Variants in TSPAN9 observed in about 807,000 individuals in gnomAD.
TSPAN9 encodes the protein tetraspanin 9.
A neutral mutation model predicts 31.0 loss-of-function variants in TSPAN9; 16 were observed. The ratio of observed to expected loss-of-function variants is 0.52; its 90% CI spans 0.35 to 0.78. The LOEUF (loss-of-function observed/expected upper bound fraction) is 0.78. Among genes scored for constraint, TSPAN9 ranks in the 30% least tolerant of loss-of-function variants. The pLI, the probability that TSPAN9 is intolerant of heterozygous loss-of-function variation, is 0.01. For missense variants in TSPAN9, 272 were observed against 312.5 expected, an observed-to-expected ratio of 0.87 and a Z score of 0.98; for synonymous variants, 145 against 121.6, an observed-to-expected ratio of 1.19 and a Z score of -1.27.
intron 3 of TSPAN9, among the ~76,000 whole-genome samples, chr12:3,255,899 T>C (rs1232268955): frequency 6.6e-6 from 1 of 152,342 alleles, no homozygotes; most frequent in East Asian, 1.9e-4. Context: ...CACCCCTTTG[T>C]ACCTCTGGTG....
chr12:3,276,018 C>T (rs548644468), intron 3 of TSPAN9, among the ~76,000 whole-genome samples: 1 of 152,342 alleles, frequency 6.6e-6, no homozygotes, highest in African/African-American at 2.4e-5. Context: ...ACCGCTCCTC[C>T]GTAGCCTCCT....
In TSPAN9 at chr12:3,172,507, G is replaced by T. The variant is rs2098352555; in HGVS notation, c.-17-28670G>T. ...TGTCACTCACCGGGGGAACTTAAAC[G>T]CCGCTTGCTGAGTCCCACCCTAGCG... On this transcript the variant is annotated intron_variant, in intron 2 of 8. Transcript: ENST00000011898. The surrounding 1 kb of genome is among the most constrained non-coding windows in gnomAD (Gnocchi z 4.8). The T allele has an allele frequency of 6.6e-6, 1 of 152,200 alleles. No homozygotes were observed. Among genetic ancestry groups the T allele is most frequent in the African/African-American group, 2.4e-5 (1 of 41,452 alleles). 9.4% of individuals were successfully genotyped at this position (152,200 alleles called of 1,614,324 possible).
At chr12:3,269,833 G>T (rs558568317) in intron 3 of TSPAN9, among the ~76,000 whole-genome samples, 1 of 152,238 alleles carries the variant, frequency 6.6e-6, no homozygotes, top group Non-Finnish European at 1.5e-5. Context: ...TGCATCCTCT[G>T]TCTGGGAAGA....
intron 3 of TSPAN9, among the ~76,000 whole-genome samples, chr12:3,263,331 A>G (rs1862484069): frequency 6.6e-6 from 1 of 152,248 alleles, no homozygotes; most frequent in African/African-American, 2.4e-5. Flanking sequence ...TTGGCAGCAC[A>G]TAGTCAGTGA....
rs145354645 is a variant in TSPAN9, at chr12:3,170,975, T to G, written c.-17-30202T>G. On this transcript the variant is annotated intron_variant, in intron 2 of 8. Coordinates refer to ENST00000011898, the MANE Select transcript of TSPAN9 (RefSeq NM_006675.5). The surrounding 1 kb of genome is among the most constrained non-coding windows in gnomAD (Gnocchi z 4.4). ...AAAAGCACACTCGTTGCCTCCCCAC[T>G]CCTGTGTTCCTTTGTAGATCAACCA... Among the ~76,000 whole-genome samples the G allele has an allele frequency of 1.3e-3, 200 of 152,248 alleles. No individual in the cohort carries two copies. Among genetic ancestry groups the G allele is most frequent in the African/African-American group, 4.5e-3 (189 of 41,554 alleles).
At chr12:3,119,524 T>C (rs74919992) in intron 2 of TSPAN9, among the ~76,000 whole-genome samples, 1,560 of 152,188 alleles carry the variant, frequency 0.01, 25 homozygotes, top group African/African-American at 0.035. Flanking sequence ...GATGTTTGTG[T>C]GTGCTTTTTT....
chr12:3,191,539 A>G (rs551111296), intron 2 of TSPAN9, among the ~76,000 whole-genome samples: 2 of 152,328 alleles, frequency 1.3e-5, no homozygotes, highest in African/African-American at 2.4e-5. Context: ...ACTAGAGGCC[A>G]CACAGGTCAT....
At chr12:3,154,855 T>C (rs1306214553) in intron 2 of TSPAN9, among the ~76,000 whole-genome samples, 2 of 152,268 alleles carry the variant, frequency 1.3e-5, no homozygotes, top group East Asian at 1.9e-4. Flanking sequence ...CAGTCATCAC[T>C]ACATGGCATT....
In TSPAN9 at chr12:3,278,403, G is replaced by A; in HGVS notation, c.64-18G>A. 6.2e-7 allele frequency: 1 copy of A among 1,613,600 alleles called. No individual in the cohort carries two copies. The highest frequency in any genetic ancestry group is 8.5e-7 in the Non-Finnish European group (1 of 1,179,706). On this transcript the variant is annotated intron_variant, in intron 3 of 8. Transcript: ENST00000011898. Reference sequence around the variant, plus strand: ...TGTGAGAGCAGCGCCAGGCTAATGGGCTTTCCTTCCTTTCCAGCTCTGTGG... The same window carrying A: ...TGTGAGAGCAGCGCCAGGCTAATGGACTTTCCTTCCTTTCCAGCTCTGTGG...
At chr12:3,175,643 G>A (rs556098410) in intron 2 of TSPAN9, among the ~76,000 whole-genome samples, 90 of 152,282 alleles carry the variant, frequency 5.9e-4, no homozygotes, top group Non-Finnish European at 1.0e-3. Context: ...CCCCAGGGTC[G>A]CGGGAGGGAG....
intron 2 of TSPAN9, among the ~76,000 whole-genome samples, chr12:3,137,225 G>A (rs2098332532): frequency 6.6e-6 from 1 of 152,204 alleles, no homozygotes; most frequent in Admixed American, 6.5e-5. Flanking sequence ...CACCCTCTCT[G>A]GGGTGTGGAC....
At chr12:3,246,526 G>A (rs1396347762) in intron 3 of TSPAN9, among the ~76,000 whole-genome samples, 1 of 152,140 alleles carries the variant, frequency 6.6e-6, no homozygotes, top group Non-Finnish European at 1.5e-5. Context: ...AGAGGCAGAT[G>A]GACATCTGGC....
At chr12:3,274,361 T>G (rs999431464) in intron 3 of TSPAN9, among the ~76,000 whole-genome samples, 1 of 152,004 alleles carries the variant, frequency 6.6e-6, no homozygotes, top group Admixed American at 6.6e-5. Context: ...AAATTGGGCC[T>G]CCGAGAGCTA....
In TSPAN9 at chr12:3,278,550, A is replaced by G. The variant is rs1376955527; in HGVS notation, c.193A>G (p.Met65Val). 1.9e-6 allele frequency: 3 copies of G among 1,614,052 alleles called. No individual in the cohort carries two copies. The highest frequency in any genetic ancestry group is 2.5e-6 in the Non-Finnish European group (3 of 1,180,036). The change falls in exon 4 of 9, where the codon ATG (methionine) becomes GTG (valine). Residue 65 changes from methionine (M) to valine (V), a missense_variant. Transcript: ENST00000011898. ...NLVIAIGTIV[M>V]VTGFLGCLGA... ...GGTCATTGCCATAGGCACCATTGTCATGGTGACGGGCTTCCTCGGCTGCCT... is the reference window on the plus strand; with the variant it reads ...GGTCATTGCCATAGGCACCATTGTCGTGGTGACGGGCTTCCTCGGCTGCCT...
At chr12:3,193,638 A>AG (rs2098365610) in intron 2 of TSPAN9, among the ~76,000 whole-genome samples, 1 of 152,142 alleles carries the variant, frequency 6.6e-6, no homozygotes, top group Admixed American at 6.5e-5. Context: ...ACGCAACACT[A>AG]GGGAATGTGT....
At chr12:3,241,250 T>C (rs987524663) in intron 3 of TSPAN9, among the ~76,000 whole-genome samples, 3 of 152,182 alleles carry the variant, frequency 2.0e-5, no homozygotes, top group African/African-American at 7.2e-5. Context: ...TTAGGGAGAA[T>C]GGCTAAGTAA....
At chr12:3,268,765 C>A (rs1862599270) in intron 3 of TSPAN9, among the ~76,000 whole-genome samples, 1 of 101,440 alleles carries the variant, frequency 9.9e-6, no homozygotes, top group African/African-American at 3.4e-5. Flanking sequence ...TGCGTTTCTG[C>A]AGCCTGCCCT....
chr12:3,127,722 A>G (rs1168785200), intron 2 of TSPAN9, among the ~76,000 whole-genome samples: 1 of 152,242 alleles, frequency 6.6e-6, no homozygotes, highest in Non-Finnish European at 1.5e-5. Flanking sequence ...TAGCAAATAC[A>G]TAAACCAGTA....
At chr12:3,125,661 A>G (rs920077322) in intron 2 of TSPAN9, among the ~76,000 whole-genome samples, 1 of 151,996 alleles carries the variant, frequency 6.6e-6, no homozygotes, top group Non-Finnish European at 1.5e-5. Context: ...GATGTTTGTC[A>G]GATAGAAGAA....
Sources: allele counts gnomAD v4.1 joint callset (sites outside exome capture counted in the v4.1 genomes callset), GRCh38; gene constraint gnomAD v4.1.1; non-coding constraint Gnocchi (gnomAD v3.1); transcripts MANE v1.5; gene names NCBI Gene and HGNC (gene_info 2026-07-23, HGNC 2026-07-21).